PADI2: variants seen among roughly 807,000 people sequenced by gnomAD.
PADI2 encodes peptidyl arginine deiminase 2.
PADI2 carries 70 observed loss-of-function variants against 81.1 expected under a neutral mutation model. The ratio of observed to expected loss-of-function variants is 0.86; its 90% confidence interval spans 0.71 to 1.05. The LOEUF is 1.05. PADI2 is among the 50% of genes least tolerant of loss of function. The pLI is 0.00. For synonymous variants in PADI2, 338 were observed against 358.0 expected, an observed-to-expected ratio of 0.94 and a Z score of 0.63; for missense variants, 853 against 889.9, an observed-to-expected ratio of 0.96 and a Z score of 0.53.
At chr1:17,105,908 C>A (rs945180775) in intron 1 of PADI2, among the ~76,000 whole-genome samples, 1 of 152,140 alleles carries the variant, frequency 6.6e-6, no homozygotes, top group African/African-American at 2.4e-5. Flanking sequence ...TAACAACCTT[C>A]CTAGTGCCTC....
intron 7 of PADI2, among the ~76,000 whole-genome samples, chr1:17,085,525 G>A (rs1479652634): frequency 6.6e-6 from 1 of 152,218 alleles, no homozygotes; most frequent in African/African-American, 2.4e-5. Context: ...GCTTGAGGGT[G>A]CTTTGTAAGT....
intron 3 of PADI2, among the ~76,000 whole-genome samples, chr1:17,102,752 G>GGC (rs370603948): frequency 0.022 from 602 of 27,830 alleles, 9 homozygotes; most frequent in East Asian, 0.059. Flanking sequence ...CTTGACACTT[G>GGC]GGGGGGGGTT....
intron 1 of PADI2, among the ~76,000 whole-genome samples, chr1:17,110,149 C>G (rs1485567798): frequency 6.6e-6 from 1 of 152,164 alleles, no homozygotes; most frequent in Non-Finnish European, 1.5e-5. Flanking sequence ...TCAGGAAGAA[C>G]CCTTTAGAAT....
intron 3 of PADI2, among the ~76,000 whole-genome samples, chr1:17,099,214 G>C (rs894127363): frequency 6.6e-6 from 1 of 152,164 alleles, no homozygotes; most frequent in South Asian, 2.1e-4. Flanking sequence ...TAAGCAGCTT[G>C]AGATGTTATG....
At chr1:17,101,034 G>C (rs1931124955) in intron 3 of PADI2, among the ~76,000 whole-genome samples, 1 of 151,206 alleles carries the variant, frequency 6.6e-6, no homozygotes, top group South Asian at 2.1e-4. Context: ...CTCATTTTTT[G>C]GGGGGTGGGG....
rs191551222 is a variant in PADI2, at chr1:17,070,316, G to A, written c.1636-100C>T. The stretch of plus-strand genomic sequence containing the variant: ...TCTGCAGCACCAGGCCAGGGGCCCC[G>A]GCACTCCAGAGAGACTTCTAGCAGT... On this transcript the variant is annotated intron_variant, in intron 14 of 15. Transcript: ENST00000375486. The A allele has an allele frequency of 1.3e-4, 195 of 1,487,366 alleles. 1 individual carries two copies. The African/African-American group carries it at 2.3e-3, about 18-fold the overall frequency. 92.1% of individuals were successfully genotyped at this position (1,487,366 alleles called of 1,614,324 possible).
chr1:17,115,021 C>A lies in PADI2; in HGVS notation c.92+4259G>T, dbSNP rs1385940339. Among the ~76,000 whole-genome samples, 1 of 152,160 alleles carries A rather than the reference C, an allele frequency of 6.6e-6. No individual in the cohort carries two copies. Among genetic ancestry groups the A allele is most frequent in the African/African-American group, 2.4e-5 (1 of 41,438 alleles). Reference sequence around the variant, plus strand: ...CATGGAAAACTGGATCTCAGACCCTCCTGGCCTTTGTCCTAATGACACTTT... The same window carrying A: ...CATGGAAAACTGGATCTCAGACCCTACTGGCCTTTGTCCTAATGACACTTT... On this transcript the variant is annotated intron_variant, in intron 1 of 15. Coordinates refer to ENST00000375486, the MANE Select transcript of PADI2 (RefSeq NM_007365.3). This position sits in a 1 kb window ranked among gnomAD's most constrained non-coding sequence, Gnocchi z 4.1.
intron 10 of PADI2, among the ~76,000 whole-genome samples, chr1:17,081,285 G>A (rs1395566481): frequency 6.6e-6 from 1 of 152,220 alleles, no homozygotes; most frequent in African/African-American, 2.4e-5. Context: ...TGGCACTGAT[G>A]CCTTATACAA....
In PADI2 at chr1:17,084,722, C is replaced by T. The variant is rs776191534; in HGVS notation, c.835-20G>A. ...AATGTCCTGGGTGTGGGAGACAAGG[C>T]GTGGGGGATCAAAAGGTTTTGTCAG... is the stretch of plus-strand genomic sequence containing the variant. On this transcript the variant is annotated intron_variant, in intron 7 of 15. Transcript: ENST00000375486. 3.0e-5 allele frequency: 44 copies of T among 1,480,848 alleles called. No homozygotes were observed. Among genetic ancestry groups the T allele is most frequent in the Admixed American group, 8.2e-5 (4 of 48,938 alleles). 91.7% of individuals were successfully genotyped at this position (1,480,848 alleles called of 1,614,324 possible).
intron 13 of PADI2, among the ~76,000 whole-genome samples, chr1:17,074,133 T>C (rs1176428403): frequency 6.6e-6 from 1 of 152,190 alleles, no homozygotes; most frequent in East Asian, 1.9e-4. Context: ...GGCTCATGCC[T>C]GTAATCCCAG....
rs750966556 is a variant in PADI2, at chr1:17,083,740, C to T, written c.1036G>A (p.Asp346Asn). The change falls in exon 9 of 16, where the codon GAT becomes AAT. Residue 346 changes from aspartate (D) to asparagine (N), a missense_variant. Coordinates refer to ENST00000375486, the MANE Select transcript of PADI2 (RefSeq NM_007365.3). ...GGGCTCCTTACCTGGATCCAGCGAT[C>T]GCCTCGGTTTAGGTACTGGAAGCAG... ...KVCFQYLNRGDRWIQDEIEFG... is the reference protein window; with the variant it reads ...KVCFQYLNRGNRWIQDEIEFG... 3.8e-5 allele frequency: 61 copies of T among 1,611,160 alleles called. No individual in the cohort carries two copies. Among genetic ancestry groups the T allele is most frequent in the African/African-American group, 5.3e-5 (4 of 74,844 alleles).
chr1:17,094,044 C>T (rs986957328), intron 4 of PADI2, among the ~76,000 whole-genome samples: 11 of 152,150 alleles, frequency 7.2e-5, no homozygotes, highest in African/African-American at 9.7e-5. Flanking sequence ...CAGGAGGAGA[C>T]GCCTGGATGG....
chr1:17,069,707 T>G (rs9725028), intron 15 of PADI2, among the ~76,000 whole-genome samples: 1 of 152,182 alleles, frequency 6.6e-6, no homozygotes, highest in Non-Finnish European at 1.5e-5. Flanking sequence ...GCACATGTGT[T>G]TATGTGTGCT....
chr1:17,109,598 C>A (rs1001774472), intron 1 of PADI2, among the ~76,000 whole-genome samples: 8 of 151,622 alleles, frequency 5.3e-5, no homozygotes, highest in Non-Finnish European at 1.0e-4. Context: ...TCAAGTGATT[C>A]TCCTGCCTCA....
In PADI2 at chr1:17,119,196, G is replaced by C. The variant is rs529210752; in HGVS notation, c.92+84C>G. The C allele has an allele frequency of 6.2e-6, 6 of 974,080 alleles. No individual in the cohort carries two copies. In the Admixed American group the frequency reaches 8.0e-5, roughly 13 times the overall value. The allele number at this position is 974,080 out of a possible 1,614,324, so 60.3% of individuals were successfully genotyped here. A position where few individuals can be genotyped will look rare whatever the true frequency, so the allele number is the denominator to read the frequency against. ...GAGGGACAACTCGGGCTGGACAAAG[G>C]CTGTCCACGTCCCCGAGTCTGAGCG... On this transcript the variant is annotated intron_variant, in intron 1 of 15. Coordinates refer to ENST00000375486, the MANE Select transcript of PADI2 (RefSeq NM_007365.3). This position sits in a 1 kb window ranked among gnomAD's most constrained non-coding sequence, Gnocchi z 4.8.
intron 13 of PADI2, among the ~76,000 whole-genome samples, chr1:17,071,934 T>G (rs910233): frequency 0.6 from 91,131 of 151,840 alleles, 27,717 homozygotes; most frequent in Middle Eastern, 0.7. Flanking sequence ...GCCTGCGTTT[T>G]CCTCCTGTAC....
chr1:17,070,975 A>T (rs1304503127), intron 14 of PADI2, among the ~76,000 whole-genome samples: 1 of 151,680 alleles, frequency 6.6e-6, no homozygotes, highest in Non-Finnish European at 1.5e-5. Flanking sequence ...GTTTTTATTT[A>T]TTTTTTTTGT....
In PADI2 at chr1:17,067,653, G is replaced by A. The variant is rs958337475; in HGVS notation, c.*1391C>T. On this transcript the variant is annotated 3_prime_UTR_variant, in exon 16 of 16. Transcript: ENST00000375486. ...ATGGGTTCCATGCCAGTAGGGACCA[G>A]GTCCAGACTGCTACTAACCACTGTG... The A allele has an allele frequency of 3.3e-5, 5 of 152,232 alleles. No individual in the cohort carries two copies. Among genetic ancestry groups the A allele is most frequent in the African/African-American group, 1.2e-4 (5 of 41,450 alleles). The allele number at this position is 152,232 out of a possible 1,614,324, so 9.4% of individuals were successfully genotyped here. A position where few individuals can be genotyped will look rare whatever the true frequency, so the allele number is the denominator to read the frequency against.
At chr1:17,116,335 C>T (rs766459872) in intron 1 of PADI2, among the ~76,000 whole-genome samples, 3 of 152,156 alleles carry the variant, frequency 2.0e-5, no homozygotes, top group Non-Finnish European at 2.9e-5. Context: ...GGTGCTGAGG[C>T]CGTTTCGCTC....
Sources: gnomAD v4.1 joint callset for allele counts (sites outside exome capture counted in the v4.1 genomes callset) on GRCh38, gnomAD v4.1.1 for gene constraint, Gnocchi (gnomAD v3.1) non-coding constraint, MANE v1.5 for transcripts, NCBI Gene and HGNC (gene_info 2026-07-23, HGNC 2026-07-21) for gene names.